Variants in BTBD9 observed in about 807,000 individuals in gnomAD.
The protein encoded by BTBD9 is BTB/POZ domain-containing protein 9.
In BTBD9, 49 loss-of-function variants were observed where a neutral mutation model predicts 64.3. The ratio of observed to expected loss-of-function variants is 0.76; its 90% CI spans 0.61 to 0.97. The LOEUF (loss-of-function observed/expected upper bound fraction) is 0.97. BTBD9 is among the 50% of genes least tolerant of loss of function. The probability of loss-of-function intolerance (pLI) is 0.00; values close to 1 mark genes in which losing one functional copy is unlikely to be tolerated. For missense variants in BTBD9, 598 were observed against 762.1 expected (o/e 0.78, Z 2.53); for synonymous variants, 260 against 274.7 (o/e 0.95, Z 0.53).
chr6:38,434,506 TG>T (rs1243046421), intron 6 of BTBD9, among the ~76,000 whole-genome samples: 1 of 151,986 alleles, frequency 6.6e-6, no homozygotes, highest in Non-Finnish European at 1.5e-5. Context: ...ATTTCTTAAA[TG>T]TATTTGATTG....
chr6:38,569,009 G>A (rs753416673), intron 6 of BTBD9, among the ~76,000 whole-genome samples: 7 of 152,170 alleles, frequency 4.6e-5, no homozygotes, highest in Non-Finnish European at 8.8e-5. Flanking sequence ...TAGGAATTAC[G>A]GGTGGGTAGA....
In BTBD9 at chr6:38,625,065, G is replaced by C. The variant is rs754860083; in HGVS notation, c.-28+14735C>G. On this transcript the variant is annotated intron_variant, in intron 1 of 10. Transcript: ENST00000481247. ...CCTCCTCAATTATTAAGTACTCACTGGGTACATGACACTATTTCTTGAAAT... is the reference window on the plus strand; with the variant it reads ...CCTCCTCAATTATTAAGTACTCACTCGGTACATGACACTATTTCTTGAAAT... Among the ~76,000 whole-genome samples the C allele has an allele frequency of 3.3e-5, 5 of 152,172 alleles. No homozygotes were observed. In the South Asian group the frequency reaches 1.0e-3, roughly 32 times the overall value.
At chr6:38,362,614 T>G (rs527482617) in intron 6 of BTBD9, among the ~76,000 whole-genome samples, 2 of 152,368 alleles carry the variant, frequency 1.3e-5, no homozygotes, top group African/African-American at 4.8e-5. Flanking sequence ...TGCTTAAGGC[T>G]TGGTACATAT....
intron 9 of BTBD9, among the ~76,000 whole-genome samples, chr6:38,255,051 T>C (rs941076572): frequency 3.3e-5 from 5 of 152,216 alleles, no homozygotes; most frequent in Admixed American, 1.3e-4. Flanking sequence ...AAATGTGGTA[T>C]ATGCACACAA....
At chr6:38,310,577 C>A (rs1009144508) in intron 7 of BTBD9, among the ~76,000 whole-genome samples, 1 of 151,980 alleles carries the variant, frequency 6.6e-6, no homozygotes, top group Non-Finnish European at 1.5e-5. Flanking sequence ...TTTAAAAGAG[C>A]CTTTTACTAT....
chr6:38,542,580 C>G (rs1019759220), intron 6 of BTBD9, among the ~76,000 whole-genome samples: 1 of 152,072 alleles, frequency 6.6e-6, no homozygotes, highest in African/African-American at 2.4e-5. Context: ...CCATCTGGCC[C>G]ATAGTATTTT....
At chr6:38,315,591 G>A (rs761695350) in intron 7 of BTBD9, among the ~76,000 whole-genome samples, 13 of 151,888 alleles carry the variant, frequency 8.6e-5, no homozygotes, top group Non-Finnish European at 1.9e-4. Context: ...GAGGCATACT[G>A]TTTAATTTGC....
chr6:38,509,302 A>C (rs1444401451), intron 6 of BTBD9, among the ~76,000 whole-genome samples: 1 of 152,214 alleles, frequency 6.6e-6, no homozygotes, highest in African/African-American at 2.4e-5. Context: ...TGAAATTTCT[A>C]TTTTACTTTC....
intron 6 of BTBD9, among the ~76,000 whole-genome samples, chr6:38,349,832 G>C (rs1764430218): frequency 6.6e-6 from 1 of 151,984 alleles, no homozygotes; most frequent in South Asian, 2.1e-4. Context: ...CACAGTATGG[G>C]GTCTATGGGC....
At chr6:38,242,518 C>T (rs1764027456) in intron 9 of BTBD9, among the ~76,000 whole-genome samples, 1 of 152,288 alleles carries the variant, frequency 6.6e-6, no homozygotes, top group African/African-American at 2.4e-5. Flanking sequence ...TTCCAAGGTA[C>T]TTCTACCAGT....
chr6:38,535,434 A>T (rs1333839279), intron 6 of BTBD9, among the ~76,000 whole-genome samples: 1 of 152,116 alleles, frequency 6.6e-6, no homozygotes, highest in Non-Finnish European at 1.5e-5. Context: ...TATTACCCAA[A>T]GCAATCTACA....
intron 9 of BTBD9, among the ~76,000 whole-genome samples, chr6:38,237,730 T>C (rs988078788): frequency 7.2e-5 from 11 of 152,164 alleles, no homozygotes; most frequent in African/African-American, 1.9e-4. Flanking sequence ...CTGAATCTTA[T>C]GGTATTTCAA....
intron 6 of BTBD9, among the ~76,000 whole-genome samples, chr6:38,568,692 GCATGTAC>G (rs1277724209): frequency 6.6e-6 from 1 of 152,136 alleles, no homozygotes; most frequent in Non-Finnish European, 1.5e-5. Flanking sequence ...CTCACATGCA[GCATGTAC>G]CCAACAATGA....
intron 6 of BTBD9, among the ~76,000 whole-genome samples, chr6:38,366,420 C>T (rs1765184959): frequency 1.3e-5 from 2 of 152,146 alleles, no homozygotes; most frequent in African/African-American, 4.8e-5. Context: ...TCCATTTCCC[C>T]AGCACTGCGG....
chr6:38,184,139 C>A lies in BTBD9; in HGVS notation c.1641+8380G>T, dbSNP rs1761707580. ...TTGTATGAGATGCTGTGTTTGCTTA[C>A]CCATCCTCTGTGGATGGACGCTCGT... On this transcript the variant is annotated intron_variant, in intron 10 of 10. Coordinates refer to ENST00000481247, the MANE Select transcript of BTBD9 (RefSeq NM_001099272.2). The surrounding 1 kb of genome is among the most constrained non-coding windows in gnomAD (Gnocchi z 4.4). 6.6e-6 allele frequency among the ~76,000 whole-genome samples: 1 copy of A among 152,210 alleles called. No individual in the cohort carries two copies. Among genetic ancestry groups the A allele is most frequent in the Admixed American group, 6.5e-5 (1 of 15,286 alleles).
At chr6:38,176,698 G>A (rs1761270231) in intron 10 of BTBD9, among the ~76,000 whole-genome samples, 2 of 152,132 alleles carry the variant, frequency 1.3e-5, no homozygotes, top group Non-Finnish European at 2.9e-5. Flanking sequence ...AACACTATTT[G>A]GGCCATCAGC....
At chr6:38,318,587 C>T (rs1763113253) in intron 7 of BTBD9, among the ~76,000 whole-genome samples, 1 of 152,176 alleles carries the variant, frequency 6.6e-6, no homozygotes, top group Non-Finnish European at 1.5e-5. Context: ...CAGACAGAGA[C>T]TCTTGTTCTT....
chr6:38,412,431 T>G (rs1180476474), intron 6 of BTBD9, among the ~76,000 whole-genome samples: 1 of 151,996 alleles, frequency 6.6e-6, no homozygotes, highest in Non-Finnish European at 1.5e-5. Flanking sequence ...ACTCTGTTGT[T>G]AAGAGTGTAG....
At position 38,288,314 on chromosome 6, in the gene BTBD9, A is replaced by G. The variant is rs1258965158; in HGVS notation, c.1412T>C (p.Ile471Thr). Residue 471 changes from isoleucine to threonine, a missense_variant, in exon 8 of 11, where the codon ATT becomes ACT. Ile to Thr is a moderately conservative substitution (Grantham distance 89). Coordinates refer to ENST00000481247, the MANE Select transcript of BTBD9 (RefSeq NM_001099272.2). ...GTACGGTTGTGCCAACTGAACCACAATCGCACCACTTCCTAGCTGGTGACA... is the reference window on the plus strand; with the variant it reads ...GTACGGTTGTGCCAACTGAACCACAGTCGCACCACTTCCTAGCTGGTGACA... ...YTCHQLGSGA[I>T]VVQLAQPYMI... 6.2e-7 allele frequency: 1 copy of G among 1,614,012 alleles called. No individual in the cohort carries two copies. Among genetic ancestry groups the G allele is most frequent in the Non-Finnish European group, 8.5e-7 (1 of 1,180,006 alleles).
Sources: gnomAD v4.1 joint callset for allele counts (sites outside exome capture counted in the v4.1 genomes callset) on GRCh38, gnomAD v4.1.1 for gene constraint, Gnocchi (gnomAD v3.1) non-coding constraint, MANE v1.5 for transcripts, NCBI Gene and HGNC (gene_info 2026-07-23, HGNC 2026-07-21) for gene names.